The following TMEM198 variants were observed in gnomAD, a reference collection of about 807,000 sequenced individuals.
The protein encoded by TMEM198 is transmembrane protein 198.
Under a neutral mutation model 31.5 loss-of-function variants are expected in TMEM198, and 21 were observed. The ratio of observed to expected loss-of-function variants is 0.67; its 90% CI spans 0.47 to 0.96. The LOEUF (loss-of-function observed/expected upper bound fraction) is 0.96, where lower values mean the gene tolerates loss of function less well. Among genes scored for constraint, TMEM198 ranks in the 40% least tolerant of loss-of-function variants. The pLI is 0.00. For missense variants in TMEM198, 447 were observed against 499.4 expected, an observed-to-expected ratio of 0.89 and a Z score of 1.00; for synonymous variants, 211 against 223.3, an observed-to-expected ratio of 0.95 and a Z score of 0.49.
Position 219,549,197 on chromosome 2 carries a change from G to T in TMEM198, c.788G>T (p.Arg263Leu). ...CGACGCGTGCAACTGATGCGGATTC[G>T]GCAGCAGGAAGATCGCAAGGAGAAA... The part of the protein sequence containing the change: ...QRRRVQLMRI[R>L]QQEDRKEKRR... Residue 263 changes from arginine to leucine, a missense_variant, in exon 4 of 5, where the codon CGG (arginine) becomes CTG (leucine). Physicochemically the swap from Arg to Leu is moderately radical, Grantham distance 102. Coordinates refer to ENST00000373883, the MANE Select transcript of TMEM198 (RefSeq NM_001005209.3). 6.2e-7 allele frequency: 1 copy of T among 1,613,966 alleles called. No individual in the cohort carries two copies. Among genetic ancestry groups the T allele is most frequent in the South Asian group, 1.1e-5 (1 of 91,076 alleles).
In TMEM198 at chr2:219,544,294, G is replaced by A. The variant is rs77018973; in HGVS notation, c.-123G>A. On this transcript the variant is annotated 5_prime_UTR_variant, in exon 1 of 5. Transcript: ENST00000373883. ...ACTTTCCCTGGACCCCAGTCAGTTG[G>A]AGCCTCTGGCGCCCCGCAACCCCGG... 2.1e-6 allele frequency: 1 copy of A among 470,978 alleles called. No individual in the cohort carries two copies. Among genetic ancestry groups the A allele is most frequent in the Non-Finnish European group, 4.4e-6 (1 of 229,632 alleles). 29.2% of individuals were successfully genotyped at this position (470,978 alleles called of 1,614,324 possible).
chr2:219,549,236 G>A lies in TMEM198; in HGVS notation c.827G>A (p.Arg276Lys). The A allele has an allele frequency of 6.2e-7, 1 of 1,613,990 alleles. No individual in the cohort carries two copies. Among genetic ancestry groups the A allele is most frequent in the East Asian group, 2.2e-5 (1 of 44,872 alleles). ...CGCAAGGAGAAAAGGCGGAAAAAGAGACCTCCTCGGGCTCCCCTCAGAGGT... is the reference window on the plus strand; with the variant it reads ...CGCAAGGAGAAAAGGCGGAAAAAGAAACCTCCTCGGGCTCCCCTCAGAGGT... ...EDRKEKRRKK[R>K]PPRAPLRGPR... Residue 276 changes from arginine to lysine, a missense_variant, in exon 4 of 5, where the codon AGA becomes AAA. By Grantham distance (26) the Arg-to-Lys change is conservative (BLOSUM62 2). Transcript: ENST00000373883.
At chr2:219,544,978 C>A in intron 2 of TMEM198, 85 bp downstream of exon 2, 3 of 1,464,802 alleles carry the variant, frequency 2.0e-6, no homozygotes, top group South Asian at 2.4e-5. Context: ...TCTCTGAATC[C>A]CTCTACCATC....
At chr2:219,546,344 A>C (rs948616824) in intron 2 of TMEM198, among the ~76,000 whole-genome samples, 2 of 152,086 alleles carry the variant, frequency 1.3e-5, no homozygotes, top group Non-Finnish European at 2.9e-5. Flanking sequence ...GAAACTCCAC[A>C]AACACTGTTT....
In TMEM198 at chr2:219,544,859, G is replaced by T. The variant is rs1392441741; in HGVS notation, c.132G>T (p.Met44Ile). ...CACTGCCGGCCCTCGTCTGCATCAT[G>T]TGCTGTTTGTTTGGAGTCGTCTACT... ...YQALPALVCIMCCLFGVVYCF... is the reference protein window; with the variant it reads ...YQALPALVCIICCLFGVVYCF... The change falls in exon 2 of 5, where the codon ATG becomes ATT. Residue 44 changes from methionine (M) to isoleucine (I), a missense_variant. Physicochemically the swap from Met to Ile is conservative, Grantham distance 10. Coordinates refer to ENST00000373883, the MANE Select transcript of TMEM198 (RefSeq NM_001005209.3). 1 of 1,614,240 alleles carries T rather than the reference G, an allele frequency of 6.2e-7. No individual in the cohort carries two copies.
chr2:219,544,325 C>T lies in TMEM198; in HGVS notation c.-92C>T, dbSNP rs1157255531. On this transcript the variant is annotated 5_prime_UTR_variant, in exon 1 of 5. Coordinates refer to ENST00000373883, the MANE Select transcript of TMEM198 (RefSeq NM_001005209.3). ...CTGGCGCCCCGCAACCCCGGCCCCT[C>T]GGGCCTCTGCACAGCCTCTTTCACT... 1 of 473,810 alleles carries T rather than the reference C, an allele frequency of 2.1e-6. No individual in the cohort carries two copies. Among genetic ancestry groups the T allele is most frequent in the African/African-American group, 2.0e-5 (1 of 50,498 alleles). 29.4% of individuals were successfully genotyped at this position (473,810 alleles called of 1,614,324 possible).
chr2:219,543,776 C>T (rs1024441211), upstream of TMEM198: 4 of 464,888 alleles, frequency 8.6e-6, no homozygotes, highest in Non-Finnish European at 1.5e-5. Context: ...ACTGGAGCCT[C>T]AGCCGCGGCC....
In TMEM198 at chr2:219,549,761, G is replaced by T. The variant is rs774659658; in HGVS notation, c.990G>T (p.Leu330=). 7.7e-5 allele frequency: 124 copies of T among 1,613,990 alleles called. No individual in the cohort carries two copies. Among genetic ancestry groups the T allele is most frequent in the Non-Finnish European group, 1.0e-4 (120 of 1,180,030 alleles). ...SFRDRQTGSS[L]SSFMASPTDA... The stretch of plus-strand genomic sequence containing the variant: ...GAGACCGGCAGACCGGGAGCTCCCT[G>T]AGCTCCTTCATGGCCTCACCCACAG... The change falls in exon 5 of 5, where the codon CTG becomes CTT. Residue 330 remains leucine, a synonymous_variant. Transcript: ENST00000373883.
intron 2 of TMEM198, 68 bp from the exon 3 acceptor site, chr2:219,547,438 C>A: frequency 2.3e-6 from 3 of 1,292,806 alleles, no homozygotes; most frequent in South Asian, 5.0e-5. Flanking sequence ...GTCCTTGACC[C>A]CTTGGACCTG....
chr2:219,548,815 G>A (rs1209943480), intron 3 of TMEM198, among the ~76,000 whole-genome samples: 2 of 152,180 alleles, frequency 1.3e-5, no homozygotes, highest in East Asian at 3.9e-4. Context: ...ATTGGAGGGA[G>A]CAAGTGTAGG....
Position 219,544,268 on chromosome 2 carries a change from G to T in TMEM198, c.-149G>T, listed in dbSNP as rs1357730793. 2.1e-6 allele frequency: 1 copy of T among 469,178 alleles called. No homozygotes were observed. Among genetic ancestry groups the T allele is most frequent in the Non-Finnish European group, 4.4e-6 (1 of 228,380 alleles). 29.1% of individuals were successfully genotyped at this position (469,178 alleles called of 1,614,324 possible). Reference sequence around the variant, plus strand: ...CAGCAGCCCCCTTCCTCGCACGACGGACTTTCCCTGGACCCCAGTCAGTTG... The same window carrying T: ...CAGCAGCCCCCTTCCTCGCACGACGTACTTTCCCTGGACCCCAGTCAGTTG... On this transcript the variant is annotated 5_prime_UTR_variant, in exon 1 of 5. Coordinates refer to ENST00000373883, the MANE Select transcript of TMEM198 (RefSeq NM_001005209.3).
Position 219,547,487 on chromosome 2 carries a change from A to C in TMEM198, c.167-19A>C. The C allele has an allele frequency of 7.2e-7, 1 of 1,393,204 alleles. No individual in the cohort carries two copies. 86.3% of individuals were successfully genotyped at this position (1,393,204 alleles called of 1,614,324 possible). ...GGTGCCCTCATCTTGGCCCCTCACTAGCCCCTGTTCCCCTCCAGGTTACCG... is the reference window on the plus strand; with the variant it reads ...GGTGCCCTCATCTTGGCCCCTCACTCGCCCCTGTTCCCCTCCAGGTTACCG... On this transcript the variant is annotated intron_variant, in intron 2 of 4. Transcript: ENST00000373883.
At position 219,547,980 on chromosome 2, in the gene TMEM198, G is replaced by C; in HGVS notation, c.641G>C (p.Cys214Ser). The C allele has an allele frequency of 6.3e-7, 1 of 1,585,078 alleles. No individual in the cohort carries two copies. Among genetic ancestry groups the C allele is most frequent in the East Asian group, 2.3e-5 (1 of 43,830 alleles). Residue 214 changes from cysteine (C) to serine (S), a missense_variant, in exon 3 of 5, where the codon TGC (cysteine) becomes TCC (serine). By Grantham distance (112) the Cys-to-Ser change is moderately radical (BLOSUM62 -1). Coordinates refer to ENST00000373883, the MANE Select transcript of TMEM198 (RefSeq NM_001005209.3). ...RLRAAPVPPL[C>S]WRSWALLALW... ...CGGGCTGCTCCTGTGCCCCCACTCT[G>C]CTGGCGAAGCTGGGCCCTGCTGGCA...
Position 219,549,718 on chromosome 2 carries a change from G to A in TMEM198, c.947G>A (p.Ser316Asn), listed in dbSNP as rs1323975909. The A allele has an allele frequency of 6.2e-7, 1 of 1,613,672 alleles. No individual in the cohort carries two copies. Among genetic ancestry groups the A allele is most frequent in the Non-Finnish European group, 8.5e-7 (1 of 1,179,926 alleles). The change falls in exon 5 of 5, where the codon AGC becomes AAC. Residue 316 changes from serine (S) to asparagine (N), a missense_variant and splice_region_variant. Physicochemically the swap from Ser to Asn is conservative, Grantham distance 46. Transcript: ENST00000373883. ...ACACCTATGTTTGCTCCCCCACAGA[G>A]CTATATCCAGAGCTTCCGAGACCGG... ...KRFNGDVLSP[S>N]YIQSFRDRQT... is the part of the protein sequence containing the mutation.
chr2:219,549,645 G>A lies in TMEM198; in HGVS notation c.946-72G>A, dbSNP rs540850538. 2.5e-6 allele frequency: 4 copies of A among 1,590,004 alleles called. No homozygotes were observed. The Admixed American group carries it at 6.8e-5, about 27-fold the overall frequency. ...GTCTATAGAAGTGTCAGGCTTGTGG[G>A]AATTCAGGAAGAGGTGGCTTTTAGG... On this transcript the variant is annotated intron_variant, in intron 4 of 4. Coordinates refer to ENST00000373883, the MANE Select transcript of TMEM198 (RefSeq NM_001005209.3).
rs1695537294 is a variant in TMEM198 at position 219,550,379 on chromosome 2, C to T, written c.*525C>T. The T allele has an allele frequency of 1.5e-5, 3 of 200,292 alleles. No individual in the cohort carries two copies. The Admixed American group carries it at 1.6e-4, about 11-fold the overall frequency. 12.4% of individuals were successfully genotyped at this position (200,292 alleles called of 1,614,324 possible). A position where few individuals can be genotyped will look rare whatever the true frequency, so the allele number is the denominator to read the frequency against. On this transcript the variant is annotated 3_prime_UTR_variant, in exon 5 of 5. Coordinates refer to ENST00000373883, the MANE Select transcript of TMEM198 (RefSeq NM_001005209.3). ...ATCCCTCACCCTGGTCCCCTGGCCT[C>T]TGTAAAGCCACCAGCCTGAGGGCAG...
intron 3 of TMEM198, among the ~76,000 whole-genome samples, chr2:219,548,891 T>TC (rs1478192424): frequency 3.9e-4 from 59 of 151,832 alleles, no homozygotes; most frequent in African/African-American, 1.3e-3. Context: ...GCCTAGGTGA[T>TC]TGGGAGAGGG....
Position 219,544,911 on chromosome 2 carries a change from T to C in TMEM198, c.166+18T>C, listed in dbSNP as rs1354714514. 1.9e-6 allele frequency: 3 copies of C among 1,609,482 alleles called. No individual in the cohort carries two copies. The African/African-American group carries it at 4.0e-5, about 21-fold the overall frequency. On this transcript the variant is annotated intron_variant, in intron 2 of 4. Coordinates refer to ENST00000373883, the MANE Select transcript of TMEM198 (RefSeq NM_001005209.3). ...CTTCTTCGGTGAGATCCCCATCTCA[T>C]CCCTCACCTGGGCTCCCCAGTGTTT...
intron 2 of TMEM198, among the ~76,000 whole-genome samples, chr2:219,546,185 C>T (rs57928484): frequency 6.6e-6 from 1 of 152,020 alleles, no homozygotes; most frequent in East Asian, 1.9e-4. Context: ...CTGGAAGTGA[C>T]TCTCCTCTGT....
Sources: gnomAD v4.1 joint callset for allele counts (sites outside exome capture counted in the v4.1 genomes callset) on GRCh38, gnomAD v4.1.1 for gene constraint, MANE v1.5 for transcripts, NCBI Gene and HGNC (gene_info 2026-07-23, HGNC 2026-07-21) for gene names.